PRSS38: variants seen among roughly 807,000 people sequenced by gnomAD.
The protein encoded by PRSS38 is serine protease 38.
Under a neutral mutation model 26.8 loss-of-function variants are expected in PRSS38, and 22 were observed. The ratio of observed to expected loss-of-function variants is 0.82; its 90% confidence interval spans 0.59 to 1.17. The LOEUF (loss-of-function observed/expected upper bound fraction) is 1.17, where lower values mean the gene tolerates loss of function less well. Among genes scored for constraint, PRSS38 ranks in the 50% most tolerant of loss-of-function variants. The pLI is 0.00. For synonymous variants in PRSS38, 175 were observed against 172.1 expected, an observed-to-expected ratio of 1.02 and a Z score of -0.13; for missense variants, 427 against 422.7, an observed-to-expected ratio of 1.01 and a Z score of -0.09.
intron 3 of PRSS38, among the ~76,000 whole-genome samples, chr1:227,824,881 C>T (rs1244650848): frequency 2.0e-5 from 3 of 152,046 alleles, no homozygotes; most frequent in Admixed American, 6.6e-5. Context: ...TGAGAAGTGT[C>T]TGTTCATGAC....
rs902896496 is a variant in PRSS38 at position 227,834,584 on chromosome 1, G to A, written c.584-10886G>A. On this transcript the variant is annotated intron_variant, in intron 3 of 4. Transcript: ENST00000366757. ...CTCAGGTGGCTGAGGCAGGAGGATC[G>A]TTTGAACCCGGGAGGCAGAGGTTGC... Among the ~76,000 whole-genome samples the A allele has an allele frequency of 9.9e-5, 15 of 152,100 alleles. No individual in the cohort carries two copies. The East Asian group carries it at 2.5e-3, about 26-fold the overall frequency.
At chr1:227,845,888 G>T in intron 4 of PRSS38, 66 bp from the exon 5 acceptor site, 1 of 1,582,698 alleles carries the variant, frequency 6.3e-7, no homozygotes, top group Non-Finnish European at 8.6e-7. Context: ...GCACCCTGGG[G>T]GACAGGTGCA....
chr1:227,815,912 G>T, intron 1 of PRSS38, 48 bp downstream of exon 1: 2 of 1,559,200 alleles, frequency 1.3e-6, no homozygotes. Flanking sequence ...CAGTGCCCTT[G>T]GGGCGTCTGT....
At chr1:227,832,376 A>C (rs115113467) in intron 3 of PRSS38, among the ~76,000 whole-genome samples, 6,617 of 152,128 alleles carry the variant, frequency 0.043, 383 homozygotes, top group African/African-American at 0.13. Context: ...TCTTTCCTCT[A>C]TTCATTTTTC....
At chr1:227,824,690 T>C (rs965963861) in intron 3 of PRSS38, among the ~76,000 whole-genome samples, 1 of 152,226 alleles carries the variant, frequency 6.6e-6, no homozygotes, top group Admixed American at 6.5e-5. Flanking sequence ...CCACCAACAA[T>C]GTAAAAAATG....
intron 3 of PRSS38, among the ~76,000 whole-genome samples, chr1:227,845,044 T>C (rs2102687539): frequency 7.0e-6 from 1 of 142,892 alleles, no homozygotes; most frequent in Non-Finnish European, 1.5e-5. Flanking sequence ...GGCTCTTCCC[T>C]ATGTGTGGTG....
At chr1:227,840,026 C>T (rs888147623) in intron 3 of PRSS38, among the ~76,000 whole-genome samples, 2 of 152,190 alleles carry the variant, frequency 1.3e-5, no homozygotes, top group Non-Finnish European at 2.9e-5. Flanking sequence ...AACCGCAGCC[C>T]CTGTCTTACA....
chr1:227,833,349 G>A (rs1665184531), intron 3 of PRSS38, among the ~76,000 whole-genome samples: 1 of 152,154 alleles, frequency 6.6e-6, no homozygotes, highest in Admixed American at 6.6e-5. Context: ...CCAACATGGT[G>A]AAACCCCATC....
intron 3 of PRSS38, among the ~76,000 whole-genome samples, chr1:227,839,512 GAA>G (rs747840767): frequency 1.4e-5 from 2 of 139,494 alleles, no homozygotes. Context: ...CTGTCTCAAG[GAA>G]AAAAAAAAAA....
At chr1:227,845,383 A>G (rs1407252121) in intron 3 of PRSS38, 87 bp from the exon 4 acceptor site, 2 of 898,456 alleles carry the variant, frequency 2.2e-6, no homozygotes, top group Non-Finnish European at 3.4e-6. Context: ...TCCATGGGCT[A>G]TCCCCTTGGT....
At chr1:227,835,906 A>T (rs1572088480) in intron 3 of PRSS38, among the ~76,000 whole-genome samples, 3 of 152,192 alleles carry the variant, frequency 2.0e-5, no homozygotes, top group Admixed American at 2.0e-4. Context: ...CTGCTTTAAA[A>T]TGCTTAATTT....
intron 3 of PRSS38, among the ~76,000 whole-genome samples, chr1:227,820,466 G>C (rs1050203624): frequency 1.3e-5 from 2 of 152,098 alleles, no homozygotes; most frequent in Non-Finnish European, 2.9e-5. Context: ...TAATGTTGAT[G>C]AAGTTTTTCT....
chr1:227,830,894 T>A (rs1665145127), intron 3 of PRSS38, among the ~76,000 whole-genome samples: 1 of 152,158 alleles, frequency 6.6e-6, no homozygotes, highest in African/African-American at 2.4e-5. Flanking sequence ...ATATTTCATC[T>A]TTTCTGATTT....
intron 3 of PRSS38, among the ~76,000 whole-genome samples, chr1:227,837,215 A>G (rs1052166713): frequency 1.3e-5 from 2 of 152,330 alleles, no homozygotes; most frequent in East Asian, 1.9e-4. Flanking sequence ...GATAAAGGAC[A>G]TTTCCTCACC....
At chr1:227,836,360 T>C (rs1481134178) in intron 3 of PRSS38, among the ~76,000 whole-genome samples, 1 of 152,000 alleles carries the variant, frequency 6.6e-6, no homozygotes, top group Non-Finnish European at 1.5e-5. Flanking sequence ...GGATTACAGG[T>C]GTGAGCCACC....
intron 3 of PRSS38, among the ~76,000 whole-genome samples, chr1:227,832,633 A>G (rs752412106): frequency 1.3e-5 from 2 of 152,214 alleles, no homozygotes; most frequent in Non-Finnish European, 2.9e-5. Flanking sequence ...CTGGTATTCC[A>G]TATTATACCA....
chr1:227,845,768 G>A (rs1411210292), intron 4 of PRSS38, among the ~76,000 whole-genome samples, 156 bp downstream of exon 4: 4 of 152,210 alleles, frequency 2.6e-5, no homozygotes, highest in Admixed American at 6.5e-5. Flanking sequence ...AACGCCGCAT[G>A]CCTGCAGCAG....
chr1:227,831,116 G>A (rs1374426572), intron 3 of PRSS38, among the ~76,000 whole-genome samples: 1 of 151,970 alleles, frequency 6.6e-6, no homozygotes, highest in Non-Finnish European at 1.5e-5. Flanking sequence ...TAAGGTAGAA[G>A]CTTAGAGTGG....
intron 3 of PRSS38, among the ~76,000 whole-genome samples, chr1:227,821,213 T>C (rs1028224744): frequency 5.9e-5 from 9 of 152,144 alleles, no homozygotes; most frequent in African/African-American, 1.9e-4. Context: ...GCAAAGGACA[T>C]GATCTCATTT....
Sources: allele counts gnomAD v4.1 joint callset (sites outside exome capture counted in the v4.1 genomes callset), GRCh38; gene constraint gnomAD v4.1.1; transcripts MANE v1.5; gene names NCBI Gene and HGNC (gene_info 2026-07-23, HGNC 2026-07-21).